SLC45A4: variants seen among roughly 807,000 people sequenced by gnomAD.
The protein encoded by SLC45A4 is polyamine-transporter SLC45A4.
A neutral mutation model predicts 63.7 loss-of-function variants in SLC45A4; 32 were observed. That is an observed-to-expected ratio of 0.50 (90% CI 0.38 to 0.67). The LOEUF (loss-of-function observed/expected upper bound fraction) is 0.67. Among genes scored for constraint, SLC45A4 ranks in the 30% least tolerant of loss-of-function variants. The pLI, the probability that SLC45A4 is intolerant of heterozygous loss-of-function variation, is 0.00. For synonymous variants in SLC45A4, 535 were observed against 510.0 expected (o/e 1.05, Z -0.66); for missense variants, 1,027 against 1,157.7 (o/e 0.89, Z 1.64).
chr8:141,307,774 C>G (rs1311365009), intron 1 of SLC45A4, among the ~76,000 whole-genome samples: 1 of 80,068 alleles, frequency 1.2e-5, no homozygotes, highest in South Asian at 4.7e-4. Context: ...GAAAGCGGGC[C>G]GGGTCCAAAT....
At chr8:141,217,945 G>A (rs1826271433) in intron 5 of SLC45A4, 66 bp downstream of exon 5, 3 of 1,503,248 alleles carry the variant, frequency 2.0e-6, no homozygotes, top group Non-Finnish European at 2.7e-6. Flanking sequence ...GGCCCAGCCC[G>A]TGAGCTTCTC....
Position 141,227,576 on chromosome 8 carries a change from GCC to G in SLC45A4, c.242-5813_242-5812del, listed in dbSNP as rs1243795006. On this transcript the variant is annotated intron_variant, in intron 2 of 8. Transcript: ENST00000517878. This position sits in a 1 kb window ranked among gnomAD's most constrained non-coding sequence, Gnocchi z 4.4. Reference sequence around the variant, plus strand: ...CACTGTCAGGAGCCACTTCTGAAGGGCCCCAGACAGGAAAGACACTGGGCCGG... The same window carrying G: ...CACTGTCAGGAGCCACTTCTGAAGGGCCAGACAGGAAAGACACTGGGCCGG... Among the ~76,000 whole-genome samples, 1 of 152,130 alleles carries G rather than the reference GCC, an allele frequency of 6.6e-6. No individual in the cohort carries two copies. The highest frequency in any genetic ancestry group is 2.4e-5 in the African/African-American group (1 of 41,418).
intron 2 of SLC45A4, among the ~76,000 whole-genome samples, chr8:141,240,238 G>T (rs534472906): frequency 2.0e-5 from 3 of 152,300 alleles, no homozygotes; most frequent in South Asian, 4.1e-4. Flanking sequence ...TATTGCTCAC[G>T]ATCTTCGTCG....
intron 2 of SLC45A4, among the ~76,000 whole-genome samples, chr8:141,232,812 G>T (rs962546626): frequency 6.6e-6 from 1 of 151,774 alleles, no homozygotes; most frequent in African/African-American, 2.4e-5. Flanking sequence ...GAGCGCTCGC[G>T]AGCTGCAACG....
Position 141,254,202 on chromosome 8 carries a change from G to A in SLC45A4, c.28C>T (p.Pro10Ser). The A allele has an allele frequency of 2.0e-6, 3 of 1,534,920 alleles. No individual in the cohort carries two copies. Among genetic ancestry groups the A allele is most frequent in the Non-Finnish European group, 2.6e-6 (3 of 1,145,996 alleles). Residue 10 changes from proline (P) to serine (S), a missense_variant, in exon 2 of 9, where the codon CCG becomes TCG. Coordinates refer to ENST00000517878, the MANE Select transcript of SLC45A4 (RefSeq NM_001286646.2). This position sits in a 1 kb window ranked among gnomAD's most constrained non-coding sequence, Gnocchi z 4.5. MKMAPQNAD[P>S]ESMQVQELSV... ...AACTCTTGAACTTGCATAGATTCCG[G>A]GTCGGCATTCTGCGGAGCCATTTTC...
At chr8:141,282,547 C>T (rs1317017584) in intron 1 of SLC45A4, among the ~76,000 whole-genome samples, 3 of 152,258 alleles carry the variant, frequency 2.0e-5, no homozygotes, top group East Asian at 3.8e-4. Context: ...ACTCAGGGCG[C>T]GCTGCGCTCA....
chr8:141,263,325 G>A (rs536568993), intron 1 of SLC45A4, among the ~76,000 whole-genome samples: 2 of 150,600 alleles, frequency 1.3e-5, no homozygotes, highest in South Asian at 2.1e-4. Flanking sequence ...GTAACTAACC[G>A]GCACATTGTG....
In SLC45A4 at chr8:141,215,996, G is replaced by A; in HGVS notation, c.1730-26C>T. The stretch of plus-strand genomic sequence containing the variant: ...CTGCAGAGAGGGGCACAGGGACAAG[G>A]ACAGTGGGCAGGCGGCTGGCTCCTG... On this transcript the variant is annotated intron_variant, in intron 6 of 8. Coordinates refer to ENST00000517878, the MANE Select transcript of SLC45A4 (RefSeq NM_001286646.2). This position sits in a 1 kb window ranked among gnomAD's most constrained non-coding sequence, Gnocchi z 4.3. 6.2e-7 allele frequency: 1 copy of A among 1,603,668 alleles called. No individual in the cohort carries two copies. The highest frequency in any genetic ancestry group is 8.5e-7 in the Non-Finnish European group (1 of 1,174,216).
chr8:141,274,812 T>C (rs1202016540), intron 1 of SLC45A4, among the ~76,000 whole-genome samples: 1 of 152,192 alleles, frequency 6.6e-6, no homozygotes, highest in Non-Finnish European at 1.5e-5. Context: ...GTGACACTTT[T>C]AACAGTACCT....
chr8:141,242,580 T>C (rs1042415133), intron 2 of SLC45A4, among the ~76,000 whole-genome samples: 1 of 152,170 alleles, frequency 6.6e-6, no homozygotes, highest in African/African-American at 2.4e-5. Context: ...AATACAAAGT[T>C]GCTCAGTTCG....
chr8:141,212,049 G>A (rs1825852244), intron 8 of SLC45A4, 148 bp downstream of exon 8: 5 of 1,362,116 alleles, frequency 3.7e-6, no homozygotes, highest in East Asian at 2.8e-5. Context: ...CTATGGGGGC[G>A]GAGGGGCTCT....
intron 2 of SLC45A4, among the ~76,000 whole-genome samples, chr8:141,251,961 G>A (rs186817563): frequency 3.4e-5 from 5 of 146,910 alleles, no homozygotes; most frequent in Admixed American, 2.1e-4. Context: ...AGTCAGATCC[G>A]TGCACATAAC....
At chr8:141,257,390 A>T (rs1271511871) in intron 1 of SLC45A4, among the ~76,000 whole-genome samples, 3 of 152,178 alleles carry the variant, frequency 2.0e-5, no homozygotes, top group African/African-American at 7.2e-5. Context: ...AAGAAGTAAC[A>T]CCCAGACATG....
Position 141,211,101 on chromosome 8 carries a change from G to A in SLC45A4, c.*471C>T. ...AGCACGCATGTCCCCTTCGCAAGCG[G>A]GGGAGGCCCTCGCACATCCACACAC... On this transcript the variant is annotated 3_prime_UTR_variant, in exon 9 of 9. Coordinates refer to ENST00000517878, the MANE Select transcript of SLC45A4 (RefSeq NM_001286646.2). 1 of 227,452 alleles carries A rather than the reference G, an allele frequency of 4.4e-6. No individual in the cohort carries two copies. Among genetic ancestry groups the A allele is most frequent in the Non-Finnish European group, 8.6e-6 (1 of 116,276 alleles). The allele number at this position is 227,452 out of a possible 1,614,324, so 14.1% of individuals were successfully genotyped here.
intron 1 of SLC45A4, among the ~76,000 whole-genome samples, chr8:141,271,856 C>CAT (rs1563664029): frequency 6.6e-6 from 1 of 151,872 alleles, no homozygotes; most frequent in East Asian, 1.9e-4. Flanking sequence ...TGTACACACA[C>CAT]ACACACGCAC....
intron 1 of SLC45A4, among the ~76,000 whole-genome samples, chr8:141,280,321 T>G (rs1268085155): frequency 1.3e-5 from 2 of 152,174 alleles, no homozygotes; most frequent in African/African-American, 2.4e-5. Context: ...TGGCAACAGA[T>G]AAGCCACCCA....
At chr8:141,242,717 A>G in intron 2 of SLC45A4, among the ~76,000 whole-genome samples, 1 of 152,160 alleles carries the variant, frequency 6.6e-6, no homozygotes, top group East Asian at 1.9e-4. Flanking sequence ...TCTCACTCAC[A>G]GGCTGCTGGG....
At position 141,211,347 on chromosome 8, in the gene SLC45A4, ACG is replaced by A; in HGVS notation, c.*223_*224del. 1 of 1,378,416 alleles carries A rather than the reference ACG, an allele frequency of 7.3e-7. No individual in the cohort carries two copies. Among genetic ancestry groups the A allele is most frequent in the Non-Finnish European group, 9.8e-7 (1 of 1,025,072 alleles). 85.4% of individuals were successfully genotyped at this position (1,378,416 alleles called of 1,614,324 possible). On this transcript the variant is annotated 3_prime_UTR_variant, in exon 9 of 9. Coordinates refer to ENST00000517878, the MANE Select transcript of SLC45A4 (RefSeq NM_001286646.2). ...CATGGCTGGGCGCAGACACACTCAC[ACG>A]CGCACGCAGGAGCTCGTCTGGAGCT...
intron 1 of SLC45A4, among the ~76,000 whole-genome samples, chr8:141,296,106 G>A (rs532411518): frequency 2.0e-5 from 3 of 152,126 alleles, no homozygotes; most frequent in Non-Finnish European, 4.4e-5. Flanking sequence ...TGTGGTGGGC[G>A]GATCACAGGA....
Sources: allele counts gnomAD v4.1 joint callset (sites outside exome capture counted in the v4.1 genomes callset), GRCh38; gene constraint gnomAD v4.1.1; non-coding constraint Gnocchi (gnomAD v3.1); transcripts MANE v1.5; gene names NCBI Gene and HGNC (gene_info 2026-07-23, HGNC 2026-07-21).